ATG10: variants seen among roughly 807,000 people sequenced by gnomAD.
ATG10 encodes the protein autophagy related 10, also known as ubiquitin-like-conjugating enzyme ATG10.
ATG10 carries 30 observed loss-of-function variants against 32.1 expected under a neutral mutation model. That is an observed-to-expected ratio of 0.94 (90% CI 0.70 to 1.27). The LOEUF is 1.27. Among genes scored for constraint, ATG10 ranks in the 50% most tolerant of loss-of-function variants. The pLI, the probability that ATG10 is intolerant of heterozygous loss-of-function variation, is 0.00. For synonymous variants in ATG10, 87 were observed against 91.5 expected, an observed-to-expected ratio of 0.95 and a Z score of 0.28; for missense variants, 233 against 262.3, an observed-to-expected ratio of 0.89 and a Z score of 0.77.
chr5:82,027,726 A>G (rs1278928761), intron 2 of ATG10, among the ~76,000 whole-genome samples: 5 of 152,264 alleles, frequency 3.3e-5, no homozygotes, highest in Non-Finnish European at 7.3e-5. Flanking sequence ...AAGCCAGCAT[A>G]TTCACAAAAC....
At chr5:82,015,128 C>T (rs1762245495) in intron 2 of ATG10, among the ~76,000 whole-genome samples, 1 of 151,576 alleles carries the variant, frequency 6.6e-6, no homozygotes, top group Non-Finnish European at 1.5e-5. Flanking sequence ...TGGAAATTCT[C>T]TTCTTTAAGA....
chr5:82,122,573 C>A (rs1387888578), intron 3 of ATG10, among the ~76,000 whole-genome samples: 3 of 152,186 alleles, frequency 2.0e-5, no homozygotes, highest in Non-Finnish European at 4.4e-5. Context: ...AACAGACAAC[C>A]TACAGAATGG....
chr5:81,991,734 GC>G (rs1234771079), intron 2 of ATG10, among the ~76,000 whole-genome samples: 2 of 151,760 alleles, frequency 1.3e-5, no homozygotes, highest in Non-Finnish European at 2.9e-5. Flanking sequence ...GACGGAGGTT[GC>G]AGTGAGCCAA....
intron 3 of ATG10, among the ~76,000 whole-genome samples, chr5:82,148,861 T>C (rs1767467595): frequency 6.6e-6 from 1 of 152,186 alleles, no homozygotes; most frequent in African/African-American, 2.4e-5. Flanking sequence ...TTTATCTTTT[T>C]ATATTTTTTC....
chr5:82,056,397 C>T (rs190832395), intron 2 of ATG10, among the ~76,000 whole-genome samples: 3 of 150,678 alleles, frequency 2.0e-5, no homozygotes, highest in Admixed American at 1.3e-4. Flanking sequence ...AGTTGCAGAG[C>T]CAACTTCGTT....
chr5:82,142,538 A>G (rs1767193945), intron 3 of ATG10, among the ~76,000 whole-genome samples: 1 of 152,184 alleles, frequency 6.6e-6, no homozygotes, highest in Non-Finnish European at 1.5e-5. Context: ...GGTGGAAGAT[A>G]AGGGTGCACA....
chr5:82,033,730 ACACAC>A (rs1762809146), intron 2 of ATG10, among the ~76,000 whole-genome samples: 1 of 19,474 alleles, frequency 5.1e-5, no homozygotes, highest in African/African-American at 1.9e-4. Context: ...TACTATACAA[ACACAC>A]ACACACACAC....
At chr5:82,007,014 C>T (rs556906309) in intron 2 of ATG10, among the ~76,000 whole-genome samples, 1 of 152,148 alleles carries the variant, frequency 6.6e-6, no homozygotes, top group African/African-American at 2.4e-5. Context: ...CCACCATGCC[C>T]AGCTAATTTT....
rs1581728588 is a variant in ATG10 at position 82,137,731 on chromosome 5, A to G, written c.217-26668A>G. ...AAGGAGGCAGTCTGTCTCTTAGCAG[A>G]GCTCGAGTGCTGTGCTGGGAGATCC... On this transcript the variant is annotated intron_variant, in intron 3 of 7. Coordinates refer to ENST00000282185, the MANE Select transcript of ATG10 (RefSeq NM_031482.5). Among the ~76,000 whole-genome samples the G allele has an allele frequency of 2.0e-5, 3 of 152,182 alleles. No individual in the cohort carries two copies. The South Asian group carries it at 6.2e-4, about 31-fold the overall frequency.
intron 5 of ATG10, among the ~76,000 whole-genome samples, chr5:82,206,566 CT>C (rs943598358): frequency 6.6e-6 from 1 of 151,662 alleles, no homozygotes; most frequent in Non-Finnish European, 1.5e-5. Context: ...AGGAGAATCA[CT>C]TGAACCTGCG....
chr5:82,018,469 G>T (rs1261957239), intron 2 of ATG10, among the ~76,000 whole-genome samples: 1 of 152,138 alleles, frequency 6.6e-6, no homozygotes, highest in African/African-American at 2.4e-5. Flanking sequence ...AAGTCAGATT[G>T]TGTCACTTCT....
intron 3 of ATG10, among the ~76,000 whole-genome samples, chr5:82,067,697 C>G (rs1763983624): frequency 6.6e-6 from 1 of 152,022 alleles, no homozygotes. Flanking sequence ...TTCTCCTTGG[C>G]AAAGCAAAAA....
At chr5:82,009,885 T>C (rs1439506372) in intron 2 of ATG10, 10 of 1,610,252 alleles carry the variant, frequency 6.2e-6, no homozygotes, top group South Asian at 1.1e-5. Flanking sequence ...AGTGCCATTA[T>C]GGCGTGTGAA....
intron 2 of ATG10, among the ~76,000 whole-genome samples, chr5:82,007,821 A>G (rs1407498344): frequency 6.6e-6 from 1 of 152,120 alleles, no homozygotes; most frequent in Non-Finnish European, 1.5e-5. Context: ...TCATATATAT[A>G]TATGCACACA....
intron 5 of ATG10, among the ~76,000 whole-genome samples, chr5:82,187,975 C>G (rs975227587): frequency 3.3e-5 from 5 of 152,192 alleles, no homozygotes; most frequent in African/African-American, 1.2e-4. Context: ...GCTATTTAGG[C>G]ATTGGTATAA....
intron 3 of ATG10, among the ~76,000 whole-genome samples, chr5:82,113,610 C>T (rs948050855): frequency 1.3e-5 from 2 of 151,868 alleles, no homozygotes; most frequent in Non-Finnish European, 2.9e-5. Context: ...TTAGAGATGC[C>T]AATAGCCCTA....
chr5:82,083,190 G>C (rs1561289706), intron 3 of ATG10, among the ~76,000 whole-genome samples: 1 of 152,212 alleles, frequency 6.6e-6, no homozygotes, highest in Non-Finnish European at 1.5e-5. Context: ...TATATCCTGT[G>C]CCTGGCTCGT....
intron 5 of ATG10, among the ~76,000 whole-genome samples, chr5:82,200,121 C>T (rs377234711): frequency 2.6e-5 from 4 of 151,804 alleles, no homozygotes; most frequent in East Asian, 1.9e-4. Context: ...TTTTGGTTGA[C>T]GTAAGTTTTC....
At chr5:82,055,795 G>A (rs902440037) in intron 2 of ATG10, among the ~76,000 whole-genome samples, 3 of 152,172 alleles carry the variant, frequency 2.0e-5, no homozygotes, top group African/African-American at 7.2e-5. Context: ...CACATGTACA[G>A]TGTTCCCATG....
Sources: gnomAD v4.1 joint callset for allele counts (sites outside exome capture counted in the v4.1 genomes callset) on GRCh38, gnomAD v4.1.1 for gene constraint, MANE v1.5 for transcripts, NCBI Gene and HGNC (gene_info 2026-07-23, HGNC 2026-07-21) for gene names.